The following DLG2 variants were observed in gnomAD, a reference collection of about 807,000 sequenced individuals.
DLG2 encodes the protein discs large MAGUK scaffold protein 2, also known as disks large homolog 2.
A neutral mutation model predicts 132.5 loss-of-function variants in DLG2; 45 were observed. The observed-to-expected ratio is 0.34, with a 90% CI of 0.27 to 0.44. The LOEUF (loss-of-function observed/expected upper bound fraction) is 0.44, where lower values mean the gene tolerates loss of function less well. DLG2 is among the 20% of genes least tolerant of loss of function. The pLI is 1.00. For missense variants in DLG2, 1,045 were observed against 1,196.9 expected (o/e 0.87, Z 1.87); for synonymous variants, 424 against 419.6 (o/e 1.01, Z -0.13).
chr11:85,315,824 A>T (rs2080628253), intron 3 of DLG2, among the ~76,000 whole-genome samples: 1 of 151,980 alleles, frequency 6.6e-6, no homozygotes, highest in Non-Finnish European at 1.5e-5. Context: ...TAGGATATTT[A>T]AAAACTGCCT....
intron 3 of DLG2, among the ~76,000 whole-genome samples, chr11:85,513,801 A>G (rs2094123974): frequency 1.3e-5 from 2 of 151,942 alleles, no homozygotes; most frequent in Admixed American, 1.3e-4. Context: ...TATGTCTTAT[A>G]TTTAACCTAT....
At chr11:83,767,872 A>T (rs1330157070) in intron 18 of DLG2, among the ~76,000 whole-genome samples, 2 of 152,190 alleles carry the variant, frequency 1.3e-5, no homozygotes, top group Non-Finnish European at 2.9e-5. Flanking sequence ...CCCTTTTCAC[A>T]GATGAGAAAT....
intron 6 of DLG2, among the ~76,000 whole-genome samples, chr11:84,660,286 T>C (rs887116413): frequency 6.6e-6 from 1 of 152,146 alleles, no homozygotes; most frequent in African/African-American, 2.4e-5. Flanking sequence ...CAGACTTCTG[T>C]TAGGATAATG....
chr11:83,637,095 C>T (rs1490526474), intron 18 of DLG2, among the ~76,000 whole-genome samples: 1 of 152,134 alleles, frequency 6.6e-6, no homozygotes, highest in African/African-American at 2.4e-5. Flanking sequence ...GTTAGAAATG[C>T]TCTAGAAGTA....
chr11:84,116,228 A>T (rs1335039741), intron 9 of DLG2, among the ~76,000 whole-genome samples: 2 of 152,188 alleles, frequency 1.3e-5, no homozygotes, highest in Admixed American at 1.3e-4. Context: ...TAAAACAGTG[A>T]TTGTTAAACT....
intron 6 of DLG2, among the ~76,000 whole-genome samples, chr11:84,612,585 A>G (rs556842122): frequency 1.3e-5 from 2 of 152,194 alleles, no homozygotes; most frequent in Non-Finnish European, 1.5e-5. Context: ...AAATAAGAAA[A>G]TACATTAAAG....
intron 6 of DLG2, among the ~76,000 whole-genome samples, chr11:84,823,757 C>G (rs980885472): frequency 1.3e-5 from 2 of 151,802 alleles, no homozygotes; most frequent in South Asian, 4.1e-4. Flanking sequence ...TTGTTTGTTT[C>G]GTTCACTGCT....
At chr11:84,616,699 T>C (rs556353059) in intron 6 of DLG2, among the ~76,000 whole-genome samples, 1 of 152,280 alleles carries the variant, frequency 6.6e-6, no homozygotes, top group South Asian at 2.1e-4. Flanking sequence ...GAAAAATGAA[T>C]TGATGATAAT....
chr11:83,859,727 C>T lies in DLG2; in HGVS notation c.1565+14693G>A, dbSNP rs534250265. ...TAATGAGGAGCTGAATGTTAGTCAC[C>T]TAGAAAATGTGGAAAATGTCTCCAG... On this transcript the variant is annotated intron_variant, in intron 16 of 27. Transcript: ENST00000376104. Among the ~76,000 whole-genome samples, 47 of 152,290 alleles carry T rather than the reference C, an allele frequency of 3.1e-4. 1 individual carries two copies. In the South Asian group the frequency reaches 9.3e-3, roughly 30 times the overall value.
chr11:83,474,651 T>A (rs893725911), intron 22 of DLG2, among the ~76,000 whole-genome samples: 1 of 152,122 alleles, frequency 6.6e-6, no homozygotes, highest in Admixed American at 6.6e-5. Context: ...CAGTGCCCCA[T>A]TGAGTGCTTA....
chr11:85,213,620 A>G (rs934374582), intron 4 of DLG2, among the ~76,000 whole-genome samples: 11 of 152,246 alleles, frequency 7.2e-5, no homozygotes, highest in Admixed American at 5.2e-4. Context: ...TATCAGACTT[A>G]GTCTATTTTA....
At chr11:84,723,731 T>C (rs960235803) in intron 6 of DLG2, among the ~76,000 whole-genome samples, 1 of 152,128 alleles carries the variant, frequency 6.6e-6, no homozygotes, top group Admixed American at 6.6e-5. Flanking sequence ...TACTAGGAAA[T>C]GCAAGGAGAT....
chr11:85,080,380 T>C (rs1331409065), intron 6 of DLG2, among the ~76,000 whole-genome samples: 3 of 152,172 alleles, frequency 2.0e-5, no homozygotes, highest in Non-Finnish European at 4.4e-5. Context: ...AAGCTTTGTC[T>C]AGTTTTGATA....
chr11:85,446,933 C>A (rs1681788283), intron 3 of DLG2, among the ~76,000 whole-genome samples: 1 of 151,768 alleles, frequency 6.6e-6, no homozygotes. Flanking sequence ...ATACATTCTG[C>A]CATTTGAATA....
chr11:84,448,962 GAAGA>G (rs370555767), intron 7 of DLG2, among the ~76,000 whole-genome samples: 1 of 151,880 alleles, frequency 6.6e-6, no homozygotes, highest in African/African-American at 2.4e-5. Flanking sequence ...ACTCCTATGA[GAAGA>G]AAGGAAGGCA....
At chr11:84,091,416 C>G (rs1437461973) in intron 10 of DLG2, among the ~76,000 whole-genome samples, 2 of 152,170 alleles carry the variant, frequency 1.3e-5, no homozygotes, top group African/African-American at 4.8e-5. Context: ...GACTAGATTC[C>G]TCCCTTTTAC....
At chr11:84,395,200 T>G (rs1415868170) in intron 7 of DLG2, among the ~76,000 whole-genome samples, 2 of 152,096 alleles carry the variant, frequency 1.3e-5, no homozygotes, top group Admixed American at 6.6e-5. Context: ...AGCTGGGCGG[T>G]TTTTACAATT....
chr11:85,050,911 T>C (rs1383009518), intron 6 of DLG2, among the ~76,000 whole-genome samples: 2 of 152,078 alleles, frequency 1.3e-5, no homozygotes, highest in African/African-American at 2.4e-5. Context: ...TAAGGCTTAA[T>C]AGATTTCCCT....
intron 3 of DLG2, among the ~76,000 whole-genome samples, chr11:85,588,010 G>T (rs964730275): frequency 1.3e-5 from 2 of 152,178 alleles, no homozygotes; most frequent in Non-Finnish European, 2.9e-5. Context: ...GTTTGAGGAG[G>T]CTAAGGATAG....
Sources: gnomAD v4.1 joint callset for allele counts (sites outside exome capture counted in the v4.1 genomes callset) on GRCh38, gnomAD v4.1.1 for gene constraint, MANE v1.5 for transcripts, NCBI Gene and HGNC (gene_info 2026-07-23, HGNC 2026-07-21) for gene names.